TMX2: variants seen among roughly 807,000 people sequenced by gnomAD.
The protein encoded by TMX2 is thioredoxin-related transmembrane protein 2.
A neutral mutation model predicts 33.4 loss-of-function variants in TMX2; 20 were observed. The observed-to-expected ratio is 0.60, with a 90% CI of 0.42 to 0.87. The LOEUF (loss-of-function observed/expected upper bound fraction) is 0.87, where lower values mean the gene tolerates loss of function less well. TMX2 is among the 40% of genes least tolerant of loss of function. The pLI, the probability that TMX2 is intolerant of heterozygous loss-of-function variation, is 0.00. For missense variants in TMX2, 340 were observed against 370.7 expected (o/e 0.92, Z 0.68); for synonymous variants, 166 against 140.7 (o/e 1.18, Z -1.27).
chr11:57,736,939 A>G (rs1948787819), intron 1 of TMX2, among the ~76,000 whole-genome samples: 1 of 152,076 alleles, frequency 6.6e-6, no homozygotes, highest in African/African-American at 2.4e-5. Flanking sequence ...TTAATGGGCT[A>G]TTATCAAGAA....
chr11:57,734,901 C>T (rs1467483548), intron 1 of TMX2, among the ~76,000 whole-genome samples: 9 of 151,436 alleles, frequency 5.9e-5, no homozygotes, highest in South Asian at 2.1e-4. Context: ...TTTGGGAGGC[C>T]GAGGCGGGCA....
chr11:57,714,894 T>TA (rs199907280), intron 1 of TMX2, among the ~76,000 whole-genome samples: 3,357 of 152,150 alleles, frequency 0.022, 116 homozygotes, highest in African/African-American at 0.077. Flanking sequence ...TGCGCCAAGC[T>TA]AAAAAAGGCC....
intron 1 of TMX2, among the ~76,000 whole-genome samples, chr11:57,717,247 C>A (rs990218819): frequency 6.6e-6 from 1 of 151,898 alleles, no homozygotes; most frequent in Non-Finnish European, 1.5e-5. Flanking sequence ...GGGCTCTTCA[C>A]GTCCCAGACG....
intron 1 of TMX2, among the ~76,000 whole-genome samples, chr11:57,723,908 AAAAC>A (rs1156284793): frequency 6.6e-6 from 1 of 151,376 alleles, no homozygotes; most frequent in African/African-American, 2.4e-5. Context: ...TTTAAAAAGG[AAAAC>A]AAAACAAGCC....
intron 1 of TMX2, among the ~76,000 whole-genome samples, chr11:57,735,160 G>A (rs10128604): frequency 0.022 from 3,356 of 151,904 alleles, 114 homozygotes; most frequent in African/African-American, 0.077. Context: ...CCTAATTTCT[G>A]CCTCAGGTAT....
chr11:57,726,383 G>C (rs1402221736), intron 1 of TMX2, among the ~76,000 whole-genome samples: 1 of 151,704 alleles, frequency 6.6e-6, no homozygotes, highest in Non-Finnish European at 1.5e-5. Flanking sequence ...ACTGCACTCT[G>C]GCCTGGGCGA....
At chr11:57,724,811 G>A (rs565691486) in intron 1 of TMX2, among the ~76,000 whole-genome samples, 5 of 152,106 alleles carry the variant, frequency 3.3e-5, no homozygotes, top group African/African-American at 4.8e-5. Flanking sequence ...AGGCTGAGGC[G>A]GGTGGATCAC....
intron 1 of TMX2, among the ~76,000 whole-genome samples, chr11:57,716,528 G>A (rs1490617812): frequency 8.2e-4 from 97 of 117,772 alleles, no homozygotes; most frequent in Middle Eastern, 6.8e-3. Context: ...GGGCAGAGGC[G>A]CCCCTCACCT....
chr11:57,727,481 A>G (rs1948081430), intron 1 of TMX2, among the ~76,000 whole-genome samples: 1 of 151,414 alleles, frequency 6.6e-6, no homozygotes, highest in East Asian at 1.9e-4. Flanking sequence ...ATCTTGCCCA[A>G]ATTCCTTTCT....
At chr11:57,727,213 A>G (rs955368834) in intron 1 of TMX2, among the ~76,000 whole-genome samples, 20 of 151,716 alleles carry the variant, frequency 1.3e-4, no homozygotes, top group African/African-American at 4.6e-4. Context: ...ACAATTGGCT[A>G]TTACATCAGG....
rs1252990329 is a variant in TMX2, at chr11:57,740,802, GAAC to G, written c.*561_*563del. On this transcript the variant is annotated 3_prime_UTR_variant, in exon 8 of 8. Coordinates refer to ENST00000278422, the MANE Select transcript of TMX2 (RefSeq NM_015959.4). ...AGTTTTTATCATTGAAGACAATATT[GAAC>G]AACCCCCTATTTTGTGGGGATTGAG... The G allele has an allele frequency of 2.6e-5, 4 of 152,604 alleles. No individual in the cohort carries two copies. Among genetic ancestry groups the G allele is most frequent in the African/African-American group, 7.2e-5 (3 of 41,442 alleles). The allele number at this position is 152,604 out of a possible 1,614,324, so 9.5% of individuals were successfully genotyped here. A position where few individuals can be genotyped will look rare whatever the true frequency, so the allele number is the denominator to read the frequency against.
chr11:57,721,345 G>GTT (rs71061532), intron 1 of TMX2, among the ~76,000 whole-genome samples: 19 of 105,248 alleles, frequency 1.8e-4, no homozygotes, highest in East Asian at 3.3e-4. Flanking sequence ...AATAAATAAA[G>GTT]TTTTTTTTTT....
chr11:57,732,075 AG>A (rs1948441952), intron 1 of TMX2, among the ~76,000 whole-genome samples: 2 of 152,232 alleles, frequency 1.3e-5, no homozygotes, highest in South Asian at 4.1e-4. Context: ...GGAAAGGAAA[AG>A]GAGACCAAAA....
chr11:57,719,514 C>CTTTTTTTTTTTT (rs1183104624), intron 1 of TMX2, among the ~76,000 whole-genome samples: 16 of 70,532 alleles, frequency 2.3e-4, no homozygotes, highest in South Asian at 6.0e-4. Flanking sequence ...TTTTCTTTGT[C>CTTTTTTTTTTTT]TTTTTTTTTT....
chr11:57,714,372 G>T (rs1334642943), intron 1 of TMX2, among the ~76,000 whole-genome samples: 2 of 152,162 alleles, frequency 1.3e-5, no homozygotes, highest in Non-Finnish European at 2.9e-5. Flanking sequence ...ACATTTCTAT[G>T]GAACAAGACA....
chr11:57,722,197 T>TA (rs1947679639), intron 1 of TMX2, among the ~76,000 whole-genome samples: 1 of 152,134 alleles, frequency 6.6e-6, no homozygotes, highest in Non-Finnish European at 1.5e-5. Flanking sequence ...AGAGGAGGTC[T>TA]CACTGTGTTG....
chr11:57,716,365 CGG>C (rs1565212369), intron 1 of TMX2, among the ~76,000 whole-genome samples: 5 of 119,744 alleles, frequency 4.2e-5, no homozygotes, highest in African/African-American at 1.4e-4. Flanking sequence ...ACCTCCCTCC[CGG>C]ACGGGGCGGC....
intron 1 of TMX2, among the ~76,000 whole-genome samples, chr11:57,717,451 G>A (rs1183823232): frequency 1.5e-4 from 22 of 151,302 alleles, no homozygotes; most frequent in Non-Finnish European, 2.1e-4. Flanking sequence ...CTGCAATCCC[G>A]GCACCTCGGG....
At chr11:57,714,367 T>C (rs1001145060) in intron 1 of TMX2, among the ~76,000 whole-genome samples, 1 of 152,196 alleles carries the variant, frequency 6.6e-6, no homozygotes, top group African/African-American at 2.4e-5. Flanking sequence ...GAGAGACATT[T>C]CTATGGAACA....
Sources: allele counts gnomAD v4.1 joint callset (sites outside exome capture counted in the v4.1 genomes callset), GRCh38; gene constraint gnomAD v4.1.1; transcripts MANE v1.5; gene names NCBI Gene and HGNC (gene_info 2026-07-23, HGNC 2026-07-21).